CP: variants seen among roughly 807,000 people sequenced by gnomAD.
CP encodes the protein ceruloplasmin, also known as caeruloplasmin.
A neutral mutation model predicts 122.4 loss-of-function variants in CP; 64 were observed. The ratio of observed to expected loss-of-function variants is 0.52; its 90% CI spans 0.43 to 0.64. The LOEUF (loss-of-function observed/expected upper bound fraction) is 0.64, where lower values mean the gene tolerates loss of function less well. CP is among the 30% of genes least tolerant of loss of function. The probability of loss-of-function intolerance (pLI) is 0.00; values close to 1 mark genes in which losing one functional copy is unlikely to be tolerated. For missense variants in CP, 1,167 were observed against 1,284.4 expected, an observed-to-expected ratio of 0.91 and a Z score of 1.40; for synonymous variants, 440 against 436.4, an observed-to-expected ratio of 1.01 and a Z score of -0.10.
intron 14 of CP, chr3:149,179,897 C>A: frequency 2.1e-6 from 1 of 482,428 alleles, no homozygotes; most frequent in Non-Finnish European, 3.8e-6. Context: ...TTTAAATTAG[C>A]TATAACCCAC....
rs199852047 is a variant in CP at position 149,221,652 on chromosome 3, A to G, written c.141T>C (p.Val47=). The part of the protein sequence containing the change: ...SDHGEKKLIS[V]DTEHSNIYLQ... ...CAATAAAAATAGTGACTTACGTGTC[A>G]ACAGAAATAAGTTTCTTTTCCCCAT... Residue 47 remains valine (V), a synonymous_variant, in exon 1 of 19, where the codon GTT becomes GTC. Coordinates refer to ENST00000264613, the MANE Select transcript of CP (RefSeq NM_000096.4). The G allele has an allele frequency of 1.2e-6, 2 of 1,612,088 alleles. No homozygotes were observed. The highest frequency in any genetic ancestry group is 3.3e-5 in the Admixed American group (2 of 59,758).
At chr3:149,202,509 C>A (rs948986709) in intron 6 of CP, among the ~76,000 whole-genome samples, 2 of 152,016 alleles carry the variant, frequency 1.3e-5, no homozygotes, top group African/African-American at 4.8e-5. Context: ...CCCTTCAACC[C>A]CTTGACAAAG....
At chr3:149,162,625 C>T in exon 6 of CP, 1 of 1,501,692 alleles carries the variant, frequency 6.7e-7, no homozygotes, top group African/African-American at 1.4e-5. Context: ...GATATTCAGC[C>T]CAGCTGTCGC....
At chr3:149,167,358 T>C in intron 4 of CP, 1 of 783,682 alleles carries the variant, frequency 1.3e-6, no homozygotes, top group Non-Finnish European at 2.2e-6. Context: ...TAAGGCTGTG[T>C]GGGTCCATTG....
At chr3:149,169,480 G>A (rs1724764902), downstream of CP, among the ~76,000 whole-genome samples, 2 of 152,222 alleles carry the variant, frequency 1.3e-5, no homozygotes. Flanking sequence ...TACATGCTTA[G>A]GAGTTTGGAT....
intron 6 of CP, among the ~76,000 whole-genome samples, chr3:149,204,084 A>C (rs1727532261): frequency 6.6e-6 from 1 of 152,218 alleles, no homozygotes; most frequent in African/African-American, 2.4e-5. Context: ...ATGTTCTAGA[A>C]AATATGGCAG....
At chr3:149,208,979 T>C (rs1281973187) in intron 4 of CP, among the ~76,000 whole-genome samples, 1 of 152,172 alleles carries the variant, frequency 6.6e-6, no homozygotes, top group Non-Finnish European at 1.5e-5. Context: ...AAACCATAAT[T>C]GATGCTTTAT....
chr3:149,210,393 T>A lies in CP; in HGVS notation c.395-14A>T. On this transcript the variant is annotated splice_polypyrimidine_tract_variant and intron_variant, in intron 2 of 18. Coordinates refer to ENST00000264613, the MANE Select transcript of CP (RefSeq NM_000096.4). ...GGTAGATGGCCCCTAGGAAGCAACA[T>A]GCAATGAAGGTGCAAAGTGAATGTG... 1 of 1,610,760 alleles carries A rather than the reference T, an allele frequency of 6.2e-7. No homozygotes were observed. Among genetic ancestry groups the A allele is most frequent in the Admixed American group, 1.7e-5 (1 of 59,998 alleles).
chr3:149,179,579 A>G lies in CP; in HGVS notation c.2638T>C (p.Tyr880His). Residue 880 changes from tyrosine to histidine, a missense_variant, in exon 15 of 19, where the codon TAT becomes CAT. This residue lies in a region of CP where 525 missense variants were observed against 657.2 expected (regional missense o/e 0.80). Coordinates refer to ENST00000264613, the MANE Select transcript of CP (RefSeq NM_000096.4). ...ACCTTAACTTGATCCACAGTTGAATAATAAGCCCATGGAATACAAGCAGAA... is the reference window on the plus strand; with the variant it reads ...ACCTTAACTTGATCCACAGTTGAATGATAAGCCCATGGAATACAAGCAGAA... ...EDSACIPWAY[Y>H]STVDQVKDLY... 1 of 1,613,626 alleles carries G rather than the reference A, an allele frequency of 6.2e-7. No homozygotes were observed. The highest frequency in any genetic ancestry group is 8.5e-7 in the Non-Finnish European group (1 of 1,179,622).
At chr3:149,207,042 G>A (rs1297099059) in intron 5 of CP, among the ~76,000 whole-genome samples, 1 of 151,988 alleles carries the variant, frequency 6.6e-6, no homozygotes, top group Non-Finnish European at 1.5e-5. Context: ...CGAAAAACAG[G>A]GTGCTTTCCA....
intron 18 of CP, among the ~76,000 whole-genome samples, chr3:149,174,950 A>G (rs1219180771): frequency 6.6e-6 from 1 of 151,868 alleles, no homozygotes; most frequent in Non-Finnish European, 1.5e-5. Flanking sequence ...AGCTTTAAAA[A>G]CTATCTCGCC....
chr3:149,204,014 C>T (rs1727528206), intron 6 of CP, among the ~76,000 whole-genome samples: 1 of 152,030 alleles, frequency 6.6e-6, no homozygotes, highest in African/African-American at 2.4e-5. Flanking sequence ...GAGACTAGGG[C>T]AGGTGTATAC....
chr3:149,181,975 C>T, intron 14 of CP, 30 bp downstream of exon 14: 2 of 1,088,424 alleles, frequency 1.8e-6, no homozygotes, highest in Non-Finnish European at 2.7e-6. Context: ...TGTTAAAATG[C>T]ACCACCCCCA....
chr3:149,174,107 G>A (rs1487192512), intron 18 of CP, among the ~76,000 whole-genome samples: 1 of 152,084 alleles, frequency 6.6e-6, no homozygotes, highest in Non-Finnish European at 1.5e-5. Flanking sequence ...CTTGCCAAAA[G>A]TGCATAACCT....
intron 14 of CP, among the ~76,000 whole-genome samples, chr3:149,180,659 C>G (rs1167750146): frequency 1.3e-5 from 2 of 152,208 alleles, no homozygotes; most frequent in African/African-American, 4.8e-5. Context: ...CTTCAAGCCT[C>G]AGTCTGAGCT....
At chr3:149,163,987 A>G in intron 5 of CP, 1 of 1,009,262 alleles carries the variant, frequency 9.9e-7, no homozygotes, top group Non-Finnish European at 1.6e-6. Context: ...GAAATTGCAT[A>G]TTACAATATA....
At chr3:149,162,862 G>C in exon 6 of CP, 1 of 1,613,388 alleles carries the variant, frequency 6.2e-7, no homozygotes, top group Non-Finnish European at 8.5e-7. Context: ...ACACCATTGC[G>C]AACATCGGAG....
At chr3:149,220,325 T>C (rs143083923) in intron 1 of CP, among the ~76,000 whole-genome samples, 178 of 152,248 alleles carry the variant, frequency 1.2e-3, no homozygotes, top group African/African-American at 4.2e-3. Context: ...GGATAGTATT[T>C]TTATTTTTTT....
chr3:149,162,442 CAG>C lies in CP; in HGVS notation c.*445_*446del, dbSNP rs58796831. 143,173 of 1,047,440 alleles carry C rather than the reference CAG, an allele frequency of 0.14. 10,883 individuals carry two copies. Among genetic ancestry groups the C allele is most frequent in the African/African-American group, 0.28 (17,756 of 63,024 alleles). 64.9% of individuals were successfully genotyped at this position (1,047,440 alleles called of 1,614,324 possible). ...TTCATTTGTTTGTTTATTGAAAAAA[CAG>C]ACATACATAATCAGTTTATAAGATA... On this transcript the variant is annotated 3_prime_UTR_variant, in exon 6 of 6. Coordinates refer to the CP transcript ENST00000479771.
Sources: gnomAD v4.1 joint callset for allele counts (sites outside exome capture counted in the v4.1 genomes callset) on GRCh38, gnomAD v4.1.1 for gene constraint, gnomAD v4.1.1 regional missense constraint, MANE v1.5 for transcripts, NCBI Gene and HGNC (gene_info 2026-07-23, HGNC 2026-07-21) for gene names.